CRY1: variants seen among roughly 807,000 people sequenced by gnomAD.
CRY1 encodes cryptochrome circadian regulator 1.
In CRY1, 45 loss-of-function variants were observed where a neutral mutation model predicts 76.0. The observed-to-expected ratio is 0.59, with a 90% CI of 0.47 to 0.76. The LOEUF (loss-of-function observed/expected upper bound fraction) is 0.76. Among genes scored for constraint, CRY1 ranks in the 30% least tolerant of loss-of-function variants. CRY1 has a pLI of 0.00. For missense variants in CRY1, 587 were observed against 716.4 expected (o/e 0.82, Z 2.06); for synonymous variants, 248 against 244.0 (o/e 1.02, Z -0.15).
At chr12:107,001,428 A>G (rs953044009) in intron 4 of CRY1, 60 bp from the exon 5 acceptor site, 37 of 1,376,594 alleles carry the variant, frequency 2.7e-5, no homozygotes, top group Middle Eastern at 1.8e-4. Context: ...TTTAACCCCA[A>G]TAACTGGGAG....
At chr12:107,029,434 G>A (rs1342717648) in intron 1 of CRY1, among the ~76,000 whole-genome samples, 1 of 151,702 alleles carries the variant, frequency 6.6e-6, no homozygotes, top group Non-Finnish European at 1.5e-5. Context: ...TCTACAAAAA[G>A]TACAAAAAAA....
chr12:107,006,638 C>CGTTT lies in CRY1; in HGVS notation c.268-1391_268-1390insAAAC, dbSNP rs71076707. Among the ~76,000 whole-genome samples, 521 of 137,034 alleles carry CGTTT rather than the reference C, an allele frequency of 3.8e-3. 40 individuals carry two copies. Among genetic ancestry groups the CGTTT allele is most frequent in the East Asian group, 0.012 (54 of 4,470 alleles). 89.9% of individuals were successfully genotyped at this position (137,034 alleles called of 152,430 possible). A position where few individuals can be genotyped will look rare whatever the true frequency, so the allele number is the denominator to read the frequency against. ...CTTGCCAATAATATGTATTAGTAAT[C>CGTTT]TTTTTTTTTTTTTTTTTTAGATGAC... On this transcript the variant is annotated intron_variant, in intron 2 of 12. Coordinates refer to ENST00000008527, the MANE Select transcript of CRY1 (RefSeq NM_004075.5).
At chr12:107,072,362 C>G (rs1953199964) in intron 1 of CRY1, among the ~76,000 whole-genome samples, 1 of 152,154 alleles carries the variant, frequency 6.6e-6, no homozygotes, top group Non-Finnish European at 1.5e-5. Flanking sequence ...TCACCAGCTA[C>G]TAAATTAGAG....
intron 1 of CRY1, among the ~76,000 whole-genome samples, chr12:107,076,482 A>G (rs1953253244): frequency 6.6e-6 from 1 of 151,832 alleles, no homozygotes; most frequent in Admixed American, 6.6e-5. Context: ...ATGGTGGCAC[A>G]CACCTGTAAT....
intron 1 of CRY1, among the ~76,000 whole-genome samples, chr12:107,084,850 C>T (rs1382615623): frequency 2.6e-5 from 4 of 151,986 alleles, no homozygotes; most frequent in African/African-American, 9.7e-5. Flanking sequence ...AGAGTTTCTG[C>T]ACAGTGAAAG....
intron 1 of CRY1, among the ~76,000 whole-genome samples, chr12:107,037,402 C>T (rs979314726): frequency 7.9e-5 from 12 of 152,120 alleles, no homozygotes; most frequent in African/African-American, 2.9e-4. Flanking sequence ...CGTGGTGGTG[C>T]GCGCCTATAA....
At chr12:107,012,015 C>T (rs986366523) in intron 2 of CRY1, among the ~76,000 whole-genome samples, 11 of 152,084 alleles carry the variant, frequency 7.2e-5, no homozygotes, top group African/African-American at 2.7e-4. Context: ...CATGGTGAAA[C>T]CCTGTCTCTA....
Position 106,997,351 on chromosome 12 carries a change from T to C in CRY1, c.1528A>G (p.Asn510Asp). 1 of 1,613,948 alleles carries C rather than the reference T, an allele frequency of 6.2e-7. No homozygotes were observed. The highest frequency in any genetic ancestry group is 1.3e-5 in the African/African-American group (1 of 74,996). The change falls in exon 10 of 13, where the codon AAT becomes GAT. Residue 510 changes from asparagine (N) to aspartate (D), a missense_variant. Transcript: ENST00000008527. ...GCAGAATATCCCATGAAGCCTCCAT[T>C]CCCATTAGGATTAGAAGGTACTGAT... is the stretch of plus-strand genomic sequence containing the variant. Reference protein sequence around the residue: ...LASVPSNPNGNGGFMGYSAEN... With the variant: ...LASVPSNPNGDGGFMGYSAEN...
At chr12:107,009,111 G>A (rs1016625288) in intron 2 of CRY1, among the ~76,000 whole-genome samples, 10 of 152,246 alleles carry the variant, frequency 6.6e-5, no homozygotes, top group African/African-American at 2.2e-4. Context: ...TGTCAGATGC[G>A]TTCTCTTCAT....
chr12:107,040,039 A>G (rs1952780212), intron 1 of CRY1, among the ~76,000 whole-genome samples: 1 of 152,228 alleles, frequency 6.6e-6, no homozygotes, highest in Non-Finnish European at 1.5e-5. Flanking sequence ...CAATCCTTCA[A>G]TATGTGACAA....
intron 2 of CRY1, among the ~76,000 whole-genome samples, chr12:107,018,948 G>T (rs956127064): frequency 5.9e-5 from 9 of 152,182 alleles, no homozygotes; most frequent in African/African-American, 2.2e-4. Flanking sequence ...GGAGATATCA[G>T]TACTGGAGCC....
At chr12:107,062,906 G>A (rs1399233579) in intron 1 of CRY1, among the ~76,000 whole-genome samples, 3 of 152,152 alleles carry the variant, frequency 2.0e-5, no homozygotes, top group Non-Finnish European at 4.4e-5. Flanking sequence ...ATTCATTAAT[G>A]ATTAAGTTTT....
At chr12:107,053,772 C>T (rs921552844) in intron 1 of CRY1, among the ~76,000 whole-genome samples, 5 of 152,198 alleles carry the variant, frequency 3.3e-5, no homozygotes, top group Non-Finnish European at 7.4e-5. Flanking sequence ...GAAACTCAGA[C>T]GGAGATTCAT....
At chr12:107,013,944 T>C (rs548807278) in intron 2 of CRY1, among the ~76,000 whole-genome samples, 1 of 152,322 alleles carries the variant, frequency 6.6e-6, no homozygotes, top group African/African-American at 2.4e-5. Context: ...AATTTTAAAT[T>C]TAACATGACT....
chr12:107,093,098 T>G lies in CRY1; in HGVS notation c.-137A>C, dbSNP rs1953495937. 1.9e-6 allele frequency: 2 copies of G among 1,064,282 alleles called. No homozygotes were observed. The highest frequency in any genetic ancestry group is 2.6e-6 in the Non-Finnish European group (2 of 777,200). The allele number at this position is 1,064,282 out of a possible 1,614,324, so 65.9% of individuals were successfully genotyped here. On this transcript the variant is annotated 5_prime_UTR_variant, in exon 1 of 13. Coordinates refer to ENST00000008527, the MANE Select transcript of CRY1 (RefSeq NM_004075.5). The stretch of plus-strand genomic sequence containing the variant: ...GCGGCAGAGGGGGAACAGGAAAAAA[T>G]GACTCCGAGGAGGGGACCGGAGAAG...
intron 1 of CRY1, among the ~76,000 whole-genome samples, chr12:107,041,190 GCGTTTACT>G (rs1468331321): frequency 6.6e-6 from 1 of 151,784 alleles, no homozygotes; most frequent in Non-Finnish European, 1.5e-5. Flanking sequence ...CAACATTTGG[GCGTTTACT>G]CAGGATACAA....
chr12:107,088,097 G>A (rs1015970962), intron 1 of CRY1, among the ~76,000 whole-genome samples: 14 of 152,102 alleles, frequency 9.2e-5, no homozygotes, highest in Non-Finnish European at 1.6e-4. Flanking sequence ...GCTAGAAGTG[G>A]AGTGATATAG....
chr12:107,091,114 A>G (rs1360277719), intron 1 of CRY1, among the ~76,000 whole-genome samples: 1 of 151,544 alleles, frequency 6.6e-6, no homozygotes, highest in East Asian at 1.9e-4. Context: ...ATCTCAGCTC[A>G]CTGCAACCTC....
intron 3 of CRY1, among the ~76,000 whole-genome samples, chr12:107,004,110 A>G (rs1054483915): frequency 1.3e-5 from 2 of 152,018 alleles, no homozygotes; most frequent in Non-Finnish European, 2.9e-5. Context: ...TAGCCTAAAC[A>G]ATTTTATGCA....
Sources: allele counts gnomAD v4.1 joint callset (sites outside exome capture counted in the v4.1 genomes callset), GRCh38; gene constraint gnomAD v4.1.1; transcripts MANE v1.5; gene names NCBI Gene and HGNC (gene_info 2026-07-23, HGNC 2026-07-21).